The following CFL2 variants were observed in gnomAD, a reference collection of about 807,000 sequenced individuals.
CFL2 encodes the protein cofilin-2.
Under a neutral mutation model 19.6 loss-of-function variants are expected in CFL2, and 10 were observed. That is an observed-to-expected ratio of 0.51 (90% confidence interval 0.31 to 0.86). CFL2 has a LOEUF of 0.86. Among genes scored for constraint, CFL2 ranks in the 40% least tolerant of loss-of-function variants. The probability of loss-of-function intolerance (pLI) is 0.04; values close to 1 mark genes in which losing one functional copy is unlikely to be tolerated. For missense variants in CFL2, 125 were observed against 192.1 expected (o/e 0.65, Z 2.06); for synonymous variants, 63 against 66.7 (o/e 0.95, Z 0.27).
chr14:34,712,809 G>T lies in CFL2; in HGVS notation c.*56C>A. 1.0e-6 allele frequency: 1 copy of T among 977,376 alleles called. No homozygotes were observed. Among genetic ancestry groups the T allele is most frequent in the Non-Finnish European group, 1.7e-6 (1 of 598,026 alleles). 60.5% of individuals were successfully genotyped at this position (977,376 alleles called of 1,614,324 possible). On this transcript the variant is annotated 3_prime_UTR_variant, in exon 4 of 4. Transcript: ENST00000298159. ...ACCAAAACCTAATACTATTCCAATGGACTGAGCTGGAGAAATGGAAGCTCC... is the reference window on the plus strand; with the variant it reads ...ACCAAAACCTAATACTATTCCAATGTACTGAGCTGGAGAAATGGAAGCTCC...
chr14:34,714,188 G>A, intron 1 of CFL2: 1 of 375,288 alleles, frequency 2.7e-6, no homozygotes, highest in Non-Finnish European at 4.8e-6. Flanking sequence ...AGCGTTCGCA[G>A]CACGTACCAA....
In CFL2 at chr14:34,710,629, G is replaced by A; in HGVS notation, c.*2236C>T. 1 of 436,054 alleles carries A rather than the reference G, an allele frequency of 2.3e-6. No homozygotes were observed. Among genetic ancestry groups the A allele is most frequent in the Non-Finnish European group, 4.5e-6 (1 of 220,474 alleles). The allele number at this position is 436,054 out of a possible 1,614,324, so 27.0% of individuals were successfully genotyped here. On this transcript the variant is annotated 3_prime_UTR_variant, in exon 4 of 4. Transcript: ENST00000298159. ...ATGCCAAATTAATCTCAAATAACAA[G>A]TGAACTATTATTAATTTTATCTCTT...
Position 34,709,719 on chromosome 14 carries a change from T to C in CFL2, c.*3146A>G. On this transcript the variant is annotated 3_prime_UTR_variant, in exon 4 of 4. Coordinates refer to ENST00000298159, the MANE Select transcript of CFL2 (RefSeq NM_138638.5). Reference sequence around the variant, plus strand: ...GGGAGGATCATCTGAGCTGGGAAGGTTGAGTTTGAAGTGAGCTGAAATTTT... The same window carrying C: ...GGGAGGATCATCTGAGCTGGGAAGGCTGAGTTTGAAGTGAGCTGAAATTTT... The C allele has an allele frequency of 6.8e-6, 1 of 147,984 alleles. No individual in the cohort carries two copies. 9.2% of individuals were successfully genotyped at this position (147,984 alleles called of 1,614,324 possible).
In CFL2 at chr14:34,711,174, C is replaced by CA. The variant is rs200201627; in HGVS notation, c.*1690dup. ...TATACTAAAATTACTTCCACACATT[C>CA]AAAAAAAATTTTTAAGGGATATTTT... On this transcript the variant is annotated 3_prime_UTR_variant, in exon 4 of 4. Transcript: ENST00000298159. 6.6e-5 allele frequency: 30 copies of CA among 453,726 alleles called. No individual in the cohort carries two copies. Among genetic ancestry groups the CA allele is most frequent in the African/African-American group, 5.2e-4 (26 of 50,066 alleles). 28.1% of individuals were successfully genotyped at this position (453,726 alleles called of 1,614,324 possible).
chr14:34,713,889 T>C (rs969461278), intron 1 of CFL2: 14 of 1,383,130 alleles, frequency 1.0e-5, no homozygotes, highest in Non-Finnish European at 1.3e-5. Context: ...TTCTGTATTG[T>C]GTCAACTCGG....
rs1457021288 is a variant in CFL2 at position 34,711,517 on chromosome 14, T to C, written c.*1348A>G. 8 of 454,430 alleles carry C rather than the reference T, an allele frequency of 1.8e-5. No individual in the cohort carries two copies. The Admixed American group carries it at 1.9e-4, about 11-fold the overall frequency. 28.1% of individuals were successfully genotyped at this position (454,430 alleles called of 1,614,324 possible). On this transcript the variant is annotated 3_prime_UTR_variant, in exon 4 of 4. Transcript: ENST00000298159. ...TCAATTTGCAAAATATATTCAGAAATAGTAGGTGAAATGACTGTTCCGAAA... is the reference window on the plus strand; with the variant it reads ...TCAATTTGCAAAATATATTCAGAAACAGTAGGTGAAATGACTGTTCCGAAA...
chr14:34,714,088 C>T (rs1885412778), intron 1 of CFL2: 1 of 372,456 alleles, frequency 2.7e-6, no homozygotes, highest in Non-Finnish European at 4.9e-6. Context: ...AAAGCTTTTA[C>T]GGCGAGAAAG....
At position 34,710,866 on chromosome 14, in the gene CFL2, G is replaced by C. The variant is rs1885262664; in HGVS notation, c.*1999C>G. 2.2e-6 allele frequency: 1 copy of C among 453,890 alleles called. No homozygotes were observed. Among genetic ancestry groups the C allele is most frequent in the African/African-American group, 2.0e-5 (1 of 49,970 alleles). The allele number at this position is 453,890 out of a possible 1,614,324, so 28.1% of individuals were successfully genotyped here. A position where few individuals can be genotyped will look rare whatever the true frequency, so the allele number is the denominator to read the frequency against. On this transcript the variant is annotated 3_prime_UTR_variant, in exon 4 of 4. Transcript: ENST00000298159. The stretch of plus-strand genomic sequence containing the variant: ...AGTCCCTTATTTTTTAAAAGAATGA[G>C]GAAATAACTCAATGAAAAATTCCAT...
Position 34,713,375 on chromosome 14 carries a change from C to T in CFL2, c.190G>A (p.Val64Ile). Residue 64 changes from valine (V) to isoleucine (I), a missense_variant, in exon 2 of 4, where the codon GTA (valine) becomes ATA (isoleucine). Coordinates refer to ENST00000298159, the MANE Select transcript of CFL2 (RefSeq NM_138638.5). ...QILVGDIGDT[V>I]EDPYTSFVKL... Reference sequence around the variant, plus strand: ...ACAAAAGATGTGTAGGGGTCCTCTACAGTATCACCAATGTCACCCACCAAG... The same window carrying T: ...ACAAAAGATGTGTAGGGGTCCTCTATAGTATCACCAATGTCACCCACCAAG... The T allele has an allele frequency of 7.4e-6, 12 of 1,614,044 alleles. No individual in the cohort carries two copies. The highest frequency in any genetic ancestry group is 1.0e-5 in the Non-Finnish European group (12 of 1,179,972).
intron 1 of CFL2, 94 bp downstream of exon 1, chr14:34,714,444 C>T (rs1053439562): frequency 2.0e-6 from 3 of 1,483,258 alleles, no homozygotes; most frequent in African/African-American, 2.9e-5. Flanking sequence ...CCTTGGAGGC[C>T]AAAATCAGGT....
In CFL2 at chr14:34,710,733, C is replaced by G. The variant is rs1755841525; in HGVS notation, c.*2132G>C. The stretch of plus-strand genomic sequence containing the variant: ...TATCAGTTTTGTCAATCTAGCAAAT[C>G]AAAGTATCACAGTTTAAAGCAATAT... On this transcript the variant is annotated 3_prime_UTR_variant, in exon 4 of 4. Coordinates refer to ENST00000298159, the MANE Select transcript of CFL2 (RefSeq NM_138638.5). 2.2e-6 allele frequency: 1 copy of G among 451,490 alleles called. No individual in the cohort carries two copies. Among genetic ancestry groups the G allele is most frequent in the African/African-American group, 2.0e-5 (1 of 49,862 alleles). 28.0% of individuals were successfully genotyped at this position (451,490 alleles called of 1,614,324 possible).
At position 34,711,792 on chromosome 14, in the gene CFL2, G is replaced by C. The variant is rs1221106174; in HGVS notation, c.*1073C>G. The C allele has an allele frequency of 2.2e-6, 1 of 448,166 alleles. No homozygotes were observed. Among genetic ancestry groups the C allele is most frequent in the Non-Finnish European group, 4.4e-6 (1 of 225,196 alleles). The allele number at this position is 448,166 out of a possible 1,614,324, so 27.8% of individuals were successfully genotyped here. A position where few individuals can be genotyped will look rare whatever the true frequency, so the allele number is the denominator to read the frequency against. ...AATAAATACACTAATGTTTATAAAA[G>C]TACCATTCTTTAACAATGGTATTTT... On this transcript the variant is annotated 3_prime_UTR_variant, in exon 4 of 4. Coordinates refer to ENST00000298159, the MANE Select transcript of CFL2 (RefSeq NM_138638.5).
chr14:34,714,307 C>T, intron 1 of CFL2: 1 of 613,550 alleles, frequency 1.6e-6, no homozygotes, highest in Non-Finnish European at 2.5e-6. Context: ...GCCCCGACCC[C>T]CAACCTGCGC....
In CFL2 at chr14:34,714,543, T is replaced by C. The variant is rs781102093; in HGVS notation, c.-3A>G. The stretch of plus-strand genomic sequence containing the variant: ...GGCCAGCGCGCTCGTCTTACCATAG[T>C]GCCCTCGGCTGTGGCTGCGGCGGCA... On this transcript the variant is annotated 5_prime_UTR_variant, in exon 1 of 4. Transcript: ENST00000298159. The C allele has an allele frequency of 2.5e-6, 4 of 1,586,604 alleles. No individual in the cohort carries two copies. Among genetic ancestry groups the C allele is most frequent in the East Asian group, 2.3e-5 (1 of 42,880 alleles).
chr14:34,712,736 T>C lies in CFL2; in HGVS notation c.*129A>G. On this transcript the variant is annotated 3_prime_UTR_variant, in exon 4 of 4. Transcript: ENST00000298159. ...GCTTAAATAAATGATATTTCCTTCA[T>C]TCATTGTGTTGGAAGGGCCCAGTGG... The C allele has an allele frequency of 1.4e-6, 1 of 723,190 alleles. No individual in the cohort carries two copies. Among genetic ancestry groups the C allele is most frequent in the Non-Finnish European group, 2.6e-6 (1 of 389,276 alleles). The allele number at this position is 723,190 out of a possible 1,614,324, so 44.8% of individuals were successfully genotyped here. A position where few individuals can be genotyped will look rare whatever the true frequency, so the allele number is the denominator to read the frequency against.
intron 1 of CFL2, chr14:34,714,314 G>A: frequency 1.6e-6 from 1 of 642,620 alleles, no homozygotes; most frequent in Non-Finnish European, 2.3e-6. Flanking sequence ...CCCCCAACCT[G>A]CGCCGACGCC....
Position 34,713,300 on chromosome 14 carries a change from A to G in CFL2, c.265T>C (p.Tyr89His), listed in dbSNP as rs1411321445. Residue 89 changes from tyrosine (Y) to histidine (H), a missense_variant, in exon 2 of 4, where the codon TAC (tyrosine) becomes CAC (histidine). Coordinates refer to ENST00000298159, the MANE Select transcript of CFL2 (RefSeq NM_138638.5). ...TCTTTCTTAGACTCTTTTGTTTCGT[A>G]TGTGGCATCGTACAAAGCATATCGG... The part of the protein sequence containing the change: ...DCRYALYDAT[Y>H]ETKESKKEDL... The G allele has an allele frequency of 6.2e-7, 1 of 1,613,580 alleles. No individual in the cohort carries two copies. Among genetic ancestry groups the G allele is most frequent in the Non-Finnish European group, 8.5e-7 (1 of 1,179,884 alleles).
In CFL2 at chr14:34,710,957, G is replaced by C. The variant is rs1885265710; in HGVS notation, c.*1908C>G. 1 of 453,924 alleles carries C rather than the reference G, an allele frequency of 2.2e-6. No homozygotes were observed. The highest frequency in any genetic ancestry group is 4.4e-6 in the Non-Finnish European group (1 of 226,780). The allele number at this position is 453,924 out of a possible 1,614,324, so 28.1% of individuals were successfully genotyped here. ...AGTATTCTCTGTTTTGCTTATCAGA[G>C]TTTGGCCTTACCAAAAACCATCGAA... On this transcript the variant is annotated 3_prime_UTR_variant, in exon 4 of 4. Coordinates refer to ENST00000298159, the MANE Select transcript of CFL2 (RefSeq NM_138638.5).
rs1242544847 is a variant in CFL2 at position 34,713,245 on chromosome 14, T to C, written c.311+9A>G. On this transcript the variant is annotated intron_variant, in intron 2 of 3. Coordinates refer to ENST00000298159, the MANE Select transcript of CFL2 (RefSeq NM_138638.5). ...TTTAAAAGTACTTTTTTCTTTTGTT[T>C]TTACACACCAGAATATAAATACTAG... 3 of 1,609,072 alleles carry C rather than the reference T, an allele frequency of 1.9e-6. No homozygotes were observed. The highest frequency in any genetic ancestry group is 1.1e-5 in the South Asian group (1 of 90,484).
Sources: gnomAD v4.1 joint callset for allele counts on GRCh38, gnomAD v4.1.1 for gene constraint, MANE v1.5 for transcripts, NCBI Gene and HGNC (gene_info 2026-07-23, HGNC 2026-07-21) for gene names.